NIBAN1: variants seen among roughly 807,000 people sequenced by gnomAD.
NIBAN1 encodes the protein niban apoptosis regulator 1, also known as protein Niban 1.
A neutral mutation model predicts 75.1 loss-of-function variants in NIBAN1; 81 were observed. The observed-to-expected ratio is 1.08, with a 90% CI of 0.90 to 1.30. The LOEUF is 1.30. Ranked by LOEUF, NIBAN1 falls within the 50% of genes most tolerant of loss-of-function variation. NIBAN1 has a pLI of 0.00. For synonymous variants in NIBAN1, 436 were observed against 424.8 expected (o/e 1.03, Z -0.32); for missense variants, 1,133 against 1,128.1 (o/e 1.00, Z -0.06).
At chr1:184,895,390 T>C (rs1656772251) in intron 2 of NIBAN1, among the ~76,000 whole-genome samples, 1 of 152,162 alleles carries the variant, frequency 6.6e-6, no homozygotes, top group Admixed American at 6.5e-5. Flanking sequence ...TCTGGAGCTG[T>C]GGGCCATAAT....
intron 8 of NIBAN1, among the ~76,000 whole-genome samples, chr1:184,822,602 G>A (rs1475849179): frequency 6.6e-6 from 1 of 152,174 alleles, no homozygotes. Context: ...GAAGGTGAGT[G>A]ACCTCCCCAA....
chr1:184,957,595 T>G (rs1658522188), intron 1 of NIBAN1, among the ~76,000 whole-genome samples: 1 of 152,234 alleles, frequency 6.6e-6, no homozygotes, highest in Non-Finnish European at 1.5e-5. Context: ...CCATTACTGA[T>G]AGTAAAACAA....
chr1:184,969,934 G>A (rs1658893489), intron 1 of NIBAN1, among the ~76,000 whole-genome samples: 1 of 152,004 alleles, frequency 6.6e-6, no homozygotes, highest in African/African-American at 2.4e-5. Flanking sequence ...AGGAGGCCAA[G>A]GCAGGTGGCT....
chr1:184,823,831 C>T (rs1654772642), intron 6 of NIBAN1, 89 bp from the exon 7 acceptor site: 2 of 1,086,164 alleles, frequency 1.8e-6, no homozygotes, highest in Non-Finnish European at 2.8e-6. Flanking sequence ...GATTGGCTGT[C>T]CCTGTCCCGG....
At chr1:184,917,266 G>A (rs1299975881) in intron 1 of NIBAN1, among the ~76,000 whole-genome samples, 5 of 149,828 alleles carry the variant, frequency 3.3e-5, no homozygotes, top group Admixed American at 2.7e-4. Context: ...GTGCAGTGGC[G>A]CGATCTCAGC....
intron 2 of NIBAN1, 129 bp from the exon 3 acceptor site, chr1:184,894,335 T>G: frequency 1.0e-6 from 1 of 952,490 alleles, no homozygotes; most frequent in East Asian, 3.0e-5. Context: ...GGGAAACTGT[T>G]GCTTCCTCCT....
intron 5 of NIBAN1, among the ~76,000 whole-genome samples, chr1:184,881,569 A>G (rs1352636266): frequency 2.0e-5 from 3 of 152,234 alleles, no homozygotes; most frequent in Admixed American, 1.3e-4. Context: ...GCGAGTGCAC[A>G]GTGCAAAGGG....
chr1:184,951,107 G>A (rs913050847), intron 1 of NIBAN1, among the ~76,000 whole-genome samples: 4 of 152,176 alleles, frequency 2.6e-5, no homozygotes, highest in Admixed American at 2.0e-4. Context: ...GAGTGACATT[G>A]TATGCAAGAG....
intron 1 of NIBAN1, among the ~76,000 whole-genome samples, chr1:184,917,659 A>T (rs890732538): frequency 6.6e-6 from 1 of 151,986 alleles, no homozygotes; most frequent in African/African-American, 2.4e-5. Flanking sequence ...AGTTCATCTC[A>T]TCATCTACTA....
chr1:184,829,320 T>C (rs1304796885), intron 6 of NIBAN1, among the ~76,000 whole-genome samples: 3 of 152,152 alleles, frequency 2.0e-5, no homozygotes, highest in Non-Finnish European at 4.4e-5. Context: ...CTGCATGTTT[T>C]CTATGTGTGT....
At chr1:184,922,671 A>G (rs1432881370) in intron 1 of NIBAN1, among the ~76,000 whole-genome samples, 1 of 152,166 alleles carries the variant, frequency 6.6e-6, no homozygotes, top group Non-Finnish European at 1.5e-5. Flanking sequence ...CAATGGCACA[A>G]TCTCAGCTTA....
chr1:184,800,496 T>C (rs1024686596), intron 12 of NIBAN1, among the ~76,000 whole-genome samples: 34 of 151,804 alleles, frequency 2.2e-4, no homozygotes, highest in African/African-American at 7.8e-4. Flanking sequence ...TTTATGGTTT[T>C]AGGTCTAACA....
intron 5 of NIBAN1, among the ~76,000 whole-genome samples, chr1:184,851,787 A>G (rs930335973): frequency 2.0e-5 from 3 of 152,012 alleles, no homozygotes; most frequent in African/African-American, 7.2e-5. Flanking sequence ...CTCAAAGTTT[A>G]TGAAATGTTA....
At chr1:184,830,928 A>G (rs1654981151) in intron 6 of NIBAN1, among the ~76,000 whole-genome samples, 1 of 151,466 alleles carries the variant, frequency 6.6e-6, no homozygotes, top group Non-Finnish European at 1.5e-5. Flanking sequence ...TGAACTAAGG[A>G]GGCGGAGGTT....
intron 1 of NIBAN1, among the ~76,000 whole-genome samples, chr1:184,950,817 G>A (rs149476018): frequency 2.0e-5 from 3 of 152,280 alleles, no homozygotes; most frequent in Middle Eastern, 3.4e-3. Flanking sequence ...TTACATGACA[G>A]TTCTTACCGC....
intron 9 of NIBAN1, among the ~76,000 whole-genome samples, chr1:184,815,902 C>T (rs919834432): frequency 2.0e-5 from 3 of 152,218 alleles, no homozygotes; most frequent in Non-Finnish European, 2.9e-5. Context: ...ATGTCTCCCT[C>T]ATAATAGGCC....
At chr1:184,860,303 T>C (rs113836988) in intron 5 of NIBAN1, among the ~76,000 whole-genome samples, 41 of 152,146 alleles carry the variant, frequency 2.7e-4, no homozygotes, top group African/African-American at 9.2e-4. Flanking sequence ...CGGGGGCAGA[T>C]CTACCTCAAA....
intron 1 of NIBAN1, among the ~76,000 whole-genome samples, chr1:184,962,394 AC>A (rs1658672400): frequency 6.6e-6 from 1 of 152,178 alleles, no homozygotes; most frequent in Non-Finnish European, 1.5e-5. Flanking sequence ...GCCTTTGAGA[AC>A]CATGATTCTC....
intron 13 of NIBAN1, 26 bp from the exon 14 acceptor site, chr1:184,796,123 T>C: frequency 6.7e-7 from 1 of 1,485,962 alleles, no homozygotes; most frequent in Non-Finnish European, 8.9e-7. Flanking sequence ...AAACAAAACA[T>C]GATTTTCTGA....
Sources: allele counts gnomAD v4.1 joint callset (sites outside exome capture counted in the v4.1 genomes callset), GRCh38; gene constraint gnomAD v4.1.1; transcripts MANE v1.5; gene names NCBI Gene and HGNC (gene_info 2026-07-23, HGNC 2026-07-21).